The following ETV6 variants were observed in gnomAD, a reference collection of about 807,000 sequenced individuals.
ETV6 encodes the protein ETS variant transcription factor 6, also known as transcription factor ETV6.
A neutral mutation model predicts 51.1 loss-of-function variants in ETV6; 16 were observed. The observed-to-expected ratio is 0.31, with a 90% CI of 0.21 to 0.48. The LOEUF (loss-of-function observed/expected upper bound fraction) is 0.48. Among genes scored for constraint, ETV6 ranks in the 20% least tolerant of loss-of-function variants. The probability of loss-of-function intolerance (pLI) is 0.99; values close to 1 mark genes in which losing one functional copy is unlikely to be tolerated. For synonymous variants in ETV6, 240 were observed against 224.1 expected, an observed-to-expected ratio of 1.07 and a Z score of -0.64; for missense variants, 458 against 594.8, an observed-to-expected ratio of 0.77 and a Z score of 2.39.
intron 1 of ETV6, among the ~76,000 whole-genome samples, chr12:11,661,860 T>C (rs912468620): frequency 6.6e-6 from 1 of 152,190 alleles, no homozygotes; most frequent in Admixed American, 6.5e-5. Flanking sequence ...GATGAGGGTG[T>C]GCTCCTCTGC....
At chr12:11,795,298 T>C (rs1399294822) in intron 2 of ETV6, among the ~76,000 whole-genome samples, 4 of 152,254 alleles carry the variant, frequency 2.6e-5, no homozygotes, top group African/African-American at 9.6e-5. Context: ...AGCTTGGGGC[T>C]CTGTCAGTCC....
chr12:11,875,630 G>A (rs908764713), intron 5 of ETV6, among the ~76,000 whole-genome samples: 1 of 150,698 alleles, frequency 6.6e-6, no homozygotes, highest in African/African-American at 2.4e-5. Flanking sequence ...GATTTCAAAG[G>A]TAGAAGGGCC....
chr12:11,849,919 CATGGTGGTG>C (rs1283664603), intron 3 of ETV6, among the ~76,000 whole-genome samples: 1 of 152,172 alleles, frequency 6.6e-6, no homozygotes, highest in African/African-American at 2.4e-5. Context: ...TCCCCGTCCG[CATGGTGGTG>C]ATGTGTTTTT....
chr12:11,674,354 T>C (rs1864374740), intron 1 of ETV6, among the ~76,000 whole-genome samples: 1 of 152,006 alleles, frequency 6.6e-6, no homozygotes, highest in South Asian at 2.1e-4. Context: ...GAAGGGAAGC[T>C]CAGGCTTTTA....
At chr12:11,679,203 G>A (rs192622007) in intron 1 of ETV6, among the ~76,000 whole-genome samples, 2 of 152,206 alleles carry the variant, frequency 1.3e-5, no homozygotes, top group East Asian at 3.9e-4. Context: ...GCACTTTAGG[G>A]GAAAAGATCA....
intron 2 of ETV6, among the ~76,000 whole-genome samples, chr12:11,801,776 C>T (rs1440990080): frequency 2.0e-5 from 3 of 152,002 alleles, no homozygotes; most frequent in Non-Finnish European, 4.4e-5. Context: ...AACCTGCACC[C>T]GCATGCATTC....
At chr12:11,766,459 AG>A (rs1303968515) in intron 2 of ETV6, among the ~76,000 whole-genome samples, 1 of 148,358 alleles carries the variant, frequency 6.7e-6, no homozygotes, top group Non-Finnish European at 1.5e-5. Context: ...CCATCCTGAC[AG>A]GTTTCTGTAT....
chr12:11,681,876 A>G (rs1316282559), intron 1 of ETV6, among the ~76,000 whole-genome samples: 4 of 152,198 alleles, frequency 2.6e-5, no homozygotes. Context: ...AGCTTCAACC[A>G]TGTTCCTGCA....
chr12:11,816,581 T>G (rs1171492478), intron 2 of ETV6, among the ~76,000 whole-genome samples: 1 of 152,206 alleles, frequency 6.6e-6, no homozygotes, highest in Non-Finnish European at 1.5e-5. Context: ...GCCTCGTTCT[T>G]GGTTCTCAGC....
At chr12:11,731,695 C>T (rs1865602600) in intron 1 of ETV6, among the ~76,000 whole-genome samples, 1 of 152,174 alleles carries the variant, frequency 6.6e-6, no homozygotes, top group Admixed American at 6.5e-5. Context: ...ATGAACTTAA[C>T]ACTTCCTACT....
intron 2 of ETV6, among the ~76,000 whole-genome samples, chr12:11,765,735 A>G (rs754721463): frequency 6.6e-6 from 1 of 151,796 alleles, no homozygotes; most frequent in Non-Finnish European, 1.5e-5. Context: ...AAAAACCACC[A>G]CCACCCTGGA....
chr12:11,867,190 GGTTA>G (rs1946801616), intron 4 of ETV6, among the ~76,000 whole-genome samples: 1 of 152,164 alleles, frequency 6.6e-6, no homozygotes, highest in African/African-American at 2.4e-5. Flanking sequence ...CCCGTAAGAA[GGTTA>G]GTTTGGTACA....
chr12:11,672,007 T>G (rs1864327577), intron 1 of ETV6, among the ~76,000 whole-genome samples: 1 of 151,788 alleles, frequency 6.6e-6, no homozygotes, highest in South Asian at 2.1e-4. Flanking sequence ...TTTTTTTTTT[T>G]TAAGCTGAAA....
intron 2 of ETV6, among the ~76,000 whole-genome samples, chr12:11,784,862 A>ATTTTTTTTTTTTTTTTTTT (rs34004409): frequency 1.9e-4 from 16 of 85,754 alleles, no homozygotes; most frequent in African/African-American, 7.1e-4. Context: ...TGCCTTGCTA[A>ATTTTTTTTTTTTTTTTTTT]TTTTTTTTTT....
At position 11,892,919 on chromosome 12, in the gene ETV6, C is replaced by G. The variant is rs2136622127; in HGVS notation, c.*1873C>G. ...GGCTCTCTTCAGCCTTGCTCTGTCC[C>G]TGCCTCTTATCAGAGCACAGGTAGA... is the stretch of plus-strand genomic sequence containing the variant. On this transcript the variant is annotated 3_prime_UTR_variant, in exon 8 of 8. Transcript: ENST00000396373. 1 of 233,114 alleles carries G rather than the reference C, an allele frequency of 4.3e-6. No homozygotes were observed. Among genetic ancestry groups the G allele is most frequent in the African/African-American group, 2.2e-5 (1 of 45,452 alleles). 14.4% of individuals were successfully genotyped at this position (233,114 alleles called of 1,614,324 possible). A position where few individuals can be genotyped will look rare whatever the true frequency, so the allele number is the denominator to read the frequency against.
intron 2 of ETV6, among the ~76,000 whole-genome samples, chr12:11,813,623 C>G (rs893671681): frequency 7.9e-5 from 12 of 152,082 alleles, no homozygotes; most frequent in African/African-American, 2.4e-4. Flanking sequence ...TTTCCTCCCC[C>G]ACCCCTTCAC....
chr12:11,681,742 G>A (rs974845014), intron 1 of ETV6, among the ~76,000 whole-genome samples: 6 of 152,000 alleles, frequency 3.9e-5, no homozygotes, highest in Non-Finnish European at 8.8e-5. Flanking sequence ...CCACTGACAG[G>A]CCCCAGTGTG....
chr12:11,881,384 C>A (rs184677968), intron 5 of ETV6, among the ~76,000 whole-genome samples: 49 of 152,282 alleles, frequency 3.2e-4, no homozygotes, highest in African/African-American at 1.1e-3. Context: ...TGAGTTCTGG[C>A]CTTAGTCCTT....
chr12:11,778,673 A>G (rs1469495636), intron 2 of ETV6, among the ~76,000 whole-genome samples: 2 of 152,204 alleles, frequency 1.3e-5, no homozygotes, highest in Non-Finnish European at 2.9e-5. Flanking sequence ...GTTGAGCCAT[A>G]GAGCTCTTAG....
Sources: allele counts gnomAD v4.1 joint callset (sites outside exome capture counted in the v4.1 genomes callset), GRCh38; gene constraint gnomAD v4.1.1; transcripts MANE v1.5; gene names NCBI Gene and HGNC (gene_info 2026-07-23, HGNC 2026-07-21).